ANKFY1: variants seen among roughly 807,000 people sequenced by gnomAD.
ANKFY1 encodes the protein ankyrin repeat and FYVE domain-containing protein 1.
ANKFY1 carries 47 observed loss-of-function variants against 128.3 expected under a neutral mutation model. The observed-to-expected ratio is 0.37, with a 90% confidence interval of 0.29 to 0.47. The LOEUF (loss-of-function observed/expected upper bound fraction) is 0.47. Ranked by LOEUF, ANKFY1 falls within the 20% of genes least tolerant of loss-of-function variation. The pLI, the probability that ANKFY1 is intolerant of heterozygous loss-of-function variation, is 1.00. For missense variants in ANKFY1, 1,222 were observed against 1,510.6 expected, an observed-to-expected ratio of 0.81 and a Z score of 3.17; for synonymous variants, 553 against 601.6, an observed-to-expected ratio of 0.92 and a Z score of 1.18.
chr17:4,253,308 G>C (rs1007262036), intron 1 of ANKFY1, among the ~76,000 whole-genome samples: 2 of 152,198 alleles, frequency 1.3e-5, no homozygotes, highest in Admixed American at 6.5e-5. Context: ...AGGGGAATGG[G>C]ACTGACTGCA....
At chr17:4,263,497 C>G (rs1404892268) in intron 1 of ANKFY1, 1 of 1,301,196 alleles carries the variant, frequency 7.7e-7, no homozygotes, top group Non-Finnish European at 1.0e-6. Flanking sequence ...CAACCCAGCC[C>G]GAGGAGACCC....
intron 4 of ANKFY1, among the ~76,000 whole-genome samples, chr17:4,210,262 GA>G (rs2060101575): frequency 6.6e-6 from 1 of 152,158 alleles, no homozygotes; most frequent in Non-Finnish European, 1.5e-5. Flanking sequence ...GGTAATTGTC[GA>G]ATCAAGCACA....
chr17:4,176,759 A>G (rs2059418123), intron 19 of ANKFY1, among the ~76,000 whole-genome samples: 1 of 152,270 alleles, frequency 6.6e-6, no homozygotes, highest in South Asian at 2.1e-4. Flanking sequence ...GTAAAATGTA[A>G]AACATTTCTC....
chr17:4,168,134 C>CT (rs10684185), intron 24 of ANKFY1: 7,260 of 222,876 alleles, frequency 0.033, 8 homozygotes, highest in South Asian at 0.053. Flanking sequence ...CTGAAGAAGG[C>CT]TTTTTTTTTT....
chr17:4,223,206 T>A, intron 3 of ANKFY1: 1 of 785,148 alleles, frequency 1.3e-6, no homozygotes, highest in East Asian at 2.5e-5. Context: ...CACAGAAATC[T>A]TCTTCCTATT....
chr17:4,198,233 T>C (rs192304128), intron 7 of ANKFY1, among the ~76,000 whole-genome samples: 2 of 152,172 alleles, frequency 1.3e-5, no homozygotes, highest in East Asian at 3.9e-4. Flanking sequence ...TCTCTCTCTC[T>C]TTCTCTTTCT....
intron 7 of ANKFY1, among the ~76,000 whole-genome samples, chr17:4,198,222 TTCTC>T (rs1480960009): frequency 1.3e-5 from 2 of 151,746 alleles, no homozygotes; most frequent in Admixed American, 1.3e-4. Context: ...CCTACACAAT[TTCTC>T]TCTCTCTTTC....
chr17:4,182,832 G>A (rs770627649), intron 14 of ANKFY1, among the ~76,000 whole-genome samples: 8 of 152,172 alleles, frequency 5.3e-5, no homozygotes, highest in Admixed American at 2.0e-4. Flanking sequence ...AGGGTGGGCC[G>A]CAGTGGCTCA....
Position 4,189,414 on chromosome 17 carries a change from T to C in ANKFY1, c.1438A>G (p.Asn480Asp), listed in dbSNP as rs1230817581. 1 of 1,591,988 alleles carries C rather than the reference T, an allele frequency of 6.3e-7. No homozygotes were observed. The highest frequency in any genetic ancestry group is 8.6e-7 in the Non-Finnish European group (1 of 1,166,496). ...NEAAALFLAT[N>D]GAHVNHRNKW... ...TTTCTGTGGTTGACATGGGCACCGT[T>C]GGTTGCCAGGAAAAGAGCTGCTGCC... Residue 480 changes from asparagine to aspartate, a missense_variant, in exon 11 of 25, where the codon AAC becomes GAC. Physicochemically the swap from Asn to Asp is conservative, Grantham distance 23. Coordinates refer to ENST00000341657, the MANE Select transcript of ANKFY1 (RefSeq NM_001330063.2).
chr17:4,185,801 A>C (rs2059600703), intron 11 of ANKFY1, among the ~76,000 whole-genome samples: 1 of 152,160 alleles, frequency 6.6e-6, no homozygotes, highest in African/African-American at 2.4e-5. Flanking sequence ...ACAAGCTCCA[A>C]GTGTCACCAA....
chr17:4,240,409 T>A (rs555556017), intron 2 of ANKFY1, among the ~76,000 whole-genome samples: 1 of 151,150 alleles, frequency 6.6e-6, no homozygotes, highest in Admixed American at 6.6e-5. Context: ...TTTATTTTTT[T>A]AAGACAGGGT....
chr17:4,200,945 C>T (rs1004490205), intron 7 of ANKFY1, among the ~76,000 whole-genome samples: 1 of 152,116 alleles, frequency 6.6e-6, no homozygotes, highest in African/African-American at 2.4e-5. Context: ...GGTCTGTTGC[C>T]TGTATTCCTG....
At chr17:4,168,085 G>T in intron 24 of ANKFY1, 174 bp from the exon 25 acceptor site, 2 of 563,536 alleles carry the variant, frequency 3.5e-6, no homozygotes, top group Non-Finnish European at 2.9e-6. Context: ...TTTAGTCTAT[G>T]AAAACAAAAC....
chr17:4,221,813 C>G (rs1017886853), intron 3 of ANKFY1, among the ~76,000 whole-genome samples: 3 of 152,084 alleles, frequency 2.0e-5, no homozygotes, highest in Admixed American at 2.0e-4. Flanking sequence ...GATGAGGTTT[C>G]GCCATGTTGG....
chr17:4,252,540 G>A (rs1352767409), intron 1 of ANKFY1, among the ~76,000 whole-genome samples: 3 of 151,962 alleles, frequency 2.0e-5, no homozygotes, highest in African/African-American at 7.3e-5. Context: ...CTGCACCCCA[G>A]CCTGGGTAAC....
chr17:4,174,179 C>T, intron 19 of ANKFY1, 123 bp from the exon 20 acceptor site: 1 of 1,210,216 alleles, frequency 8.3e-7, no homozygotes, highest in Non-Finnish European at 1.1e-6. Context: ...GCTGACAGAG[C>T]TGGGAGCATA....
chr17:4,188,046 G>A (rs946233482), intron 11 of ANKFY1: 4 of 152,502 alleles, frequency 2.6e-5, no homozygotes, highest in African/African-American at 9.6e-5. Flanking sequence ...AATGATGCAG[G>A]AGGAAAAGAA....
intron 1 of ANKFY1, among the ~76,000 whole-genome samples, chr17:4,261,987 C>T (rs141141540): frequency 2.6e-5 from 4 of 152,344 alleles, no homozygotes; most frequent in Middle Eastern, 3.4e-3. Flanking sequence ...CAATATTCAC[C>T]TAAAGTTTCC....
Position 4,169,261 on chromosome 17 carries a change from C to G in ANKFY1, c.3314G>C (p.Cys1105Ser), listed in dbSNP as rs531938826. ...GCACTCATAGCAGTAGGAGCCGTCA[C>G]ACCACGGAGGCTCCTTGGACAGCAT... ...LDMLSKEPPW[C>S]DGSYCYECTA... The change falls in exon 24 of 25, where the codon TGT (cysteine) becomes TCT (serine). Residue 1105 changes from cysteine to serine, a missense_variant. Transcript: ENST00000341657. This position sits in a 1 kb window ranked among gnomAD's most constrained non-coding sequence, Gnocchi z 5.0. 8 of 1,551,664 alleles carry G rather than the reference C, an allele frequency of 5.2e-6. No individual in the cohort carries two copies. Among genetic ancestry groups the G allele is most frequent in the Non-Finnish European group, 7.0e-6 (8 of 1,147,362 alleles).
Sources: gnomAD v4.1 joint callset for allele counts (sites outside exome capture counted in the v4.1 genomes callset) on GRCh38, gnomAD v4.1.1 for gene constraint, Gnocchi (gnomAD v3.1) non-coding constraint, MANE v1.5 for transcripts, NCBI Gene and HGNC (gene_info 2026-07-23, HGNC 2026-07-21) for gene names.